Variants in CDK14 observed in about 807,000 individuals in gnomAD.
The protein encoded by CDK14 is cyclin dependent kinase 14.
A neutral mutation model predicts 60.7 loss-of-function variants in CDK14; 34 were observed. The observed-to-expected ratio is 0.56, with a 90% CI of 0.43 to 0.75. CDK14 has a LOEUF of 0.75. CDK14 is among the 30% of genes least tolerant of loss of function. CDK14 has a pLI of 0.00. For synonymous variants in CDK14, 197 were observed against 203.7 expected (o/e 0.97, Z 0.28); for missense variants, 482 against 564.1 (o/e 0.85, Z 1.47).
chr7:90,612,765 C>G (rs550319347), intron 2 of CDK14, among the ~76,000 whole-genome samples: 1 of 99,600 alleles, frequency 1.0e-5, no homozygotes, highest in South Asian at 4.2e-4. Flanking sequence ...GAGAGAGACT[C>G]TGTCTCAAAA....
At chr7:90,888,180 T>C (rs565527051) in intron 6 of CDK14, among the ~76,000 whole-genome samples, 26 of 152,146 alleles carry the variant, frequency 1.7e-4, no homozygotes, top group Non-Finnish European at 3.2e-4. Flanking sequence ...TGAACCCCCC[T>C]CTCTACTAAA....
intron 5 of CDK14, among the ~76,000 whole-genome samples, chr7:90,860,258 T>C (rs1216876230): frequency 6.6e-6 from 1 of 152,028 alleles, no homozygotes; most frequent in Admixed American, 6.5e-5. Flanking sequence ...CACAGTTCTT[T>C]TATTCTTACA....
chr7:90,740,605 C>T (rs1017675151), intron 3 of CDK14, among the ~76,000 whole-genome samples: 2 of 152,160 alleles, frequency 1.3e-5, no homozygotes, highest in Non-Finnish European at 2.9e-5. Context: ...CCTGCCAAAA[C>T]CTTGATCTTG....
At chr7:91,122,250 G>A (rs1241530944) in intron 14 of CDK14, among the ~76,000 whole-genome samples, 1 of 150,954 alleles carries the variant, frequency 6.6e-6, no homozygotes, top group East Asian at 2.0e-4. Flanking sequence ...TCTTATTTCT[G>A]CAAATCCACA....
chr7:90,711,901 T>TC (rs1802077551), intron 2 of CDK14, among the ~76,000 whole-genome samples: 1 of 149,032 alleles, frequency 6.7e-6, no homozygotes, highest in African/African-American at 2.5e-5. Context: ...TTTTTTTTTT[T>TC]CAATTGAGCC....
intron 2 of CDK14, among the ~76,000 whole-genome samples, chr7:90,635,315 G>A (rs1278566462): frequency 6.6e-6 from 1 of 152,174 alleles, no homozygotes; most frequent in Non-Finnish European, 1.5e-5. Flanking sequence ...TTTGTATAAG[G>A]TGTAAGGAAG....
intron 2 of CDK14, among the ~76,000 whole-genome samples, chr7:90,707,339 A>G (rs1234407956): frequency 6.6e-6 from 1 of 152,088 alleles, no homozygotes; most frequent in Non-Finnish European, 1.5e-5. Context: ...CAGGTAACCC[A>G]TGGTGAATGC....
chr7:91,157,192 T>G (rs1801009626), intron 14 of CDK14, among the ~76,000 whole-genome samples: 1 of 152,214 alleles, frequency 6.6e-6, no homozygotes, highest in Non-Finnish European at 1.5e-5. Context: ...AGCAATTTCT[T>G]GCTAAAATTA....
chr7:91,015,022 C>G (rs887477571), intron 10 of CDK14, among the ~76,000 whole-genome samples: 1 of 152,132 alleles, frequency 6.6e-6, no homozygotes, highest in Admixed American at 6.6e-5. Context: ...GTATTTTTCT[C>G]TTATAGGAGT....
intron 4 of CDK14, among the ~76,000 whole-genome samples, chr7:90,754,371 T>C (rs1458973581): frequency 6.6e-6 from 1 of 151,914 alleles, no homozygotes; most frequent in East Asian, 1.9e-4. Flanking sequence ...CAAAAATAAG[T>C]GATGGGGAAA....
chr7:90,903,200 A>C (rs1792574461), intron 7 of CDK14, among the ~76,000 whole-genome samples: 1 of 152,188 alleles, frequency 6.6e-6, no homozygotes, highest in African/African-American at 2.4e-5. Flanking sequence ...AAATTGAACT[A>C]TCATATGATC....
intron 2 of CDK14, among the ~76,000 whole-genome samples, chr7:90,615,615 A>T (rs976544420): frequency 6.6e-6 from 1 of 152,162 alleles, no homozygotes; most frequent in African/African-American, 2.4e-5. Context: ...GCTGAGTTGC[A>T]GTTAGAGTAC....
intron 5 of CDK14, among the ~76,000 whole-genome samples, chr7:90,820,360 A>G (rs151300594): frequency 7.7e-4 from 117 of 152,138 alleles, no homozygotes; most frequent in African/African-American, 2.6e-3. Flanking sequence ...TCTCATCTCA[A>G]ATTGTAATCC....
At chr7:90,634,102 A>ATTT (rs2116412372) in intron 2 of CDK14, among the ~76,000 whole-genome samples, 1 of 141,990 alleles carries the variant, frequency 7.0e-6, no homozygotes, top group East Asian at 1.9e-4. Flanking sequence ...TTTGATTAGA[A>ATTT]TTGAGTCTTT....
At chr7:91,025,744 G>T (rs1311766086) in intron 10 of CDK14, among the ~76,000 whole-genome samples, 1 of 152,200 alleles carries the variant, frequency 6.6e-6, no homozygotes, top group Non-Finnish European at 1.5e-5. Flanking sequence ...CACTGCCTGT[G>T]CCTGTCTCTA....
In CDK14 at chr7:91,126,730, C is replaced by T. The variant is rs1031454375; in HGVS notation, c.*28+8522C>T. ...TTCAGTTGTGTCCTAATTTTCCCAC[C>T]AGTTTTTCAGTGTTTCAGCTGCCTC... On this transcript the variant is annotated intron_variant, in intron 14 of 14. Transcript: ENST00000380050. Among the ~76,000 whole-genome samples the T allele has an allele frequency of 4.6e-5, 7 of 152,158 alleles. No individual in the cohort carries two copies. The East Asian group carries it at 9.6e-4, about 21-fold the overall frequency.
chr7:90,776,422 G>T (rs1207837489), intron 4 of CDK14, among the ~76,000 whole-genome samples: 1 of 152,172 alleles, frequency 6.6e-6, no homozygotes, highest in Non-Finnish European at 1.5e-5. Flanking sequence ...GAAGGTTAAT[G>T]TATTAAAATG....
intron 5 of CDK14, among the ~76,000 whole-genome samples, chr7:90,845,130 T>G (rs1790425739): frequency 6.6e-6 from 1 of 152,162 alleles, no homozygotes. Context: ...TTTCTTTTGT[T>G]TCAGTGTTGT....
At chr7:90,611,428 A>C (rs1799535553) in intron 2 of CDK14, among the ~76,000 whole-genome samples, 1 of 152,136 alleles carries the variant, frequency 6.6e-6, no homozygotes, top group Non-Finnish European at 1.5e-5. Flanking sequence ...GTATTTCCCC[A>C]AGCATGCATC....
Sources: allele counts gnomAD v4.1 joint callset (sites outside exome capture counted in the v4.1 genomes callset), GRCh38; gene constraint gnomAD v4.1.1; transcripts MANE v1.5; gene names NCBI Gene and HGNC (gene_info 2026-07-23, HGNC 2026-07-21).